Variants in ZFPM1 observed in about 807,000 individuals in gnomAD.
The protein encoded by ZFPM1 is zinc finger protein ZFPM1.
In ZFPM1, 28 loss-of-function variants were observed where a neutral mutation model predicts 46.3. That is an observed-to-expected ratio of 0.60 (90% CI 0.45 to 0.83). The LOEUF is 0.83. ZFPM1 is among the 40% of genes least tolerant of loss of function. The pLI is 0.00. For synonymous variants in ZFPM1, 957 were observed against 675.9 expected (o/e 1.42, Z -6.45); for missense variants, 1,878 against 1,432.4 (o/e 1.31, Z -5.02).
At chr16:88,460,107 C>T (rs1030760858) in intron 1 of ZFPM1, among the ~76,000 whole-genome samples, 3 of 152,028 alleles carry the variant, frequency 2.0e-5, no homozygotes, top group African/African-American at 7.2e-5. Flanking sequence ...GCTGGGGCTT[C>T]CCTTTGGCGA....
intron 4 of ZFPM1, among the ~76,000 whole-genome samples, chr16:88,521,588 CCATGCTGTTCCTTCCCT>C (rs1174874166): frequency 1.4e-5 from 2 of 138,508 alleles, no homozygotes; most frequent in East Asian, 2.3e-4. Flanking sequence ...TTCCCCCAAC[CCATGCTGTTCCTTCCCT>C]CATGCTGTTC....
intron 4 of ZFPM1, among the ~76,000 whole-genome samples, chr16:88,523,262 G>T (rs1475851630): frequency 6.6e-6 from 1 of 151,820 alleles, no homozygotes; most frequent in Non-Finnish European, 1.5e-5. Flanking sequence ...CCCACAGGCA[G>T]AGCAGGGTCA....
At chr16:88,465,881 T>C (rs1248291311) in intron 1 of ZFPM1, among the ~76,000 whole-genome samples, 2 of 152,152 alleles carry the variant, frequency 1.3e-5, no homozygotes, top group African/African-American at 4.8e-5. Flanking sequence ...ATCCTCCTGC[T>C]GAGGGACAGG....
chr16:88,470,952 G>C (rs1221225391), intron 1 of ZFPM1, among the ~76,000 whole-genome samples: 1 of 152,110 alleles, frequency 6.6e-6, no homozygotes, highest in African/African-American at 2.4e-5. Flanking sequence ...GAAGGGGCGG[G>C]AGACGCAGCG....
chr16:88,505,327 A>G lies in ZFPM1; in HGVS notation c.269-9060A>G, dbSNP rs537167680. ...TCGGCGAGGAGGCCAGTCCCTCCCC[A>G]GGGTCCTCTGGCTGGGTCTTCTCCC... On this transcript the variant is annotated intron_variant, in intron 3 of 9. Transcript: ENST00000319555. Among the ~76,000 whole-genome samples the G allele has an allele frequency of 3.7e-3, 568 of 152,260 alleles. 1 individual carries two copies. The highest frequency in any genetic ancestry group is 0.013 in the African/African-American group (522 of 41,554).
intron 3 of ZFPM1, among the ~76,000 whole-genome samples, chr16:88,498,880 T>C (rs1437469509): frequency 6.6e-6 from 1 of 152,212 alleles, no homozygotes; most frequent in African/African-American, 2.4e-5. Context: ...CCCCTGGCCC[T>C]GAGCCTTCCC....
chr16:88,479,868 A>C (rs1048145039), intron 1 of ZFPM1, among the ~76,000 whole-genome samples: 17 of 39,492 alleles, frequency 4.3e-4, no homozygotes, highest in South Asian at 1.0e-3. Context: ...CCCCGCTGCC[A>C]CCCCCGCAGT....
In ZFPM1 at chr16:88,533,727, A is replaced by G; in HGVS notation, c.1769A>G (p.Asn590Ser). The G allele has an allele frequency of 2.0e-6, 3 of 1,509,970 alleles. No homozygotes were observed. The highest frequency in any genetic ancestry group is 2.7e-6 in the Non-Finnish European group (3 of 1,123,556). The allele number at this position is 1,509,970 out of a possible 1,614,324, so 93.5% of individuals were successfully genotyped here. ...FECEITFSNVNNYYVHKRLYC... is the reference protein window; with the variant it reads ...FECEITFSNVSNYYVHKRLYC... ...TGCGAGATCACCTTCAGCAACGTCA[A>G]CAACTACTACGTGCACAAGCGCCTC... is the stretch of plus-strand genomic sequence containing the variant. Residue 590 changes from asparagine (N) to serine (S), a missense_variant, in exon 10 of 10, where the codon AAC becomes AGC. Transcript: ENST00000319555.
intron 1 of ZFPM1, among the ~76,000 whole-genome samples, chr16:88,475,274 G>A (rs1038463932): frequency 6.6e-6 from 1 of 152,208 alleles, no homozygotes; most frequent in Non-Finnish European, 1.5e-5. Context: ...CCCAGGCCCT[G>A]GGGGGCCATC....
intron 1 of ZFPM1, among the ~76,000 whole-genome samples, chr16:88,476,282 C>G (rs566386495): frequency 5.9e-5 from 9 of 152,304 alleles, no homozygotes; most frequent in East Asian, 3.9e-4. Flanking sequence ...GCCACACCCC[C>G]CTCCAAGCCA....
intron 4 of ZFPM1, chr16:88,516,484 G>A (rs1911305670): frequency 5.0e-6 from 2 of 398,540 alleles, no homozygotes; most frequent in East Asian, 3.6e-5. Flanking sequence ...GGAGGAAGGA[G>A]CCCCCGCTCC....
intron 3 of ZFPM1, among the ~76,000 whole-genome samples, chr16:88,498,093 G>T (rs1270011639): frequency 6.6e-6 from 1 of 152,018 alleles, no homozygotes; most frequent in Non-Finnish European, 1.5e-5. Context: ...CCTGGCGGAT[G>T]GCAGGGGTCA....
chr16:88,515,456 C>A (rs1321132119), intron 4 of ZFPM1, among the ~76,000 whole-genome samples: 1 of 152,262 alleles, frequency 6.6e-6, no homozygotes, highest in Non-Finnish European at 1.5e-5. Context: ...TTGGGTGAGA[C>A]ACAGGGGCGC....
chr16:88,478,678 A>G (rs1253012749), intron 1 of ZFPM1, among the ~76,000 whole-genome samples: 6 of 152,178 alleles, frequency 3.9e-5, no homozygotes, highest in African/African-American at 1.4e-4. Flanking sequence ...GGCCTGGACC[A>G]TGGGGGACGG....
chr16:88,528,281 A>G (rs1225787848), intron 6 of ZFPM1, 43 bp downstream of exon 6: 1 of 1,506,922 alleles, frequency 6.6e-7, no homozygotes. Context: ...TGCTCCACCA[A>G]GGAGGAGCAG....
At chr16:88,506,688 G>A (rs897334587) in intron 3 of ZFPM1, among the ~76,000 whole-genome samples, 7 of 152,068 alleles carry the variant, frequency 4.6e-5, no homozygotes, top group South Asian at 4.1e-4. Context: ...CATCCTGGGT[G>A]TGCAGCTCCC....
At chr16:88,481,626 C>T (rs574539300) in intron 1 of ZFPM1, among the ~76,000 whole-genome samples, 75 of 152,154 alleles carry the variant, frequency 4.9e-4, no homozygotes, top group East Asian at 1.9e-3. Flanking sequence ...CTGCCACAGC[C>T]GTCACCGAGT....
intron 1 of ZFPM1, among the ~76,000 whole-genome samples, chr16:88,461,048 G>C (rs1039210579): frequency 1.3e-4 from 15 of 118,086 alleles, no homozygotes; most frequent in African/African-American, 4.5e-4. Context: ...CCGAGGGGCG[G>C]GAGGCCCTGG....
rs1486832320 is a variant in ZFPM1 at position 88,535,208 on chromosome 16, GCAGCCAGTGTCACATC to G, written c.*235_*250del. 1 of 414,138 alleles carries G rather than the reference GCAGCCAGTGTCACATC, an allele frequency of 2.4e-6. No homozygotes were observed. Among genetic ancestry groups the G allele is most frequent in the Non-Finnish European group, 4.0e-6 (1 of 249,126 alleles). The allele number at this position is 414,138 out of a possible 1,614,324, so 25.7% of individuals were successfully genotyped here. ...TAGTTCTCTGAGCCAGCAGGCACACGCAGCCAGTGTCACATCCAGCCCTGCTGTGTACACAGGCCAC... is the reference window on the plus strand; with the variant it reads ...TAGTTCTCTGAGCCAGCAGGCACACGCAGCCCTGCTGTGTACACAGGCCAC... On this transcript the variant is annotated 3_prime_UTR_variant, in exon 10 of 10. Coordinates refer to ENST00000319555, the MANE Select transcript of ZFPM1 (RefSeq NM_153813.3).
Sources: allele counts gnomAD v4.1 joint callset (sites outside exome capture counted in the v4.1 genomes callset), GRCh38; gene constraint gnomAD v4.1.1; transcripts MANE v1.5; gene names NCBI Gene and HGNC (gene_info 2026-07-23, HGNC 2026-07-21).